Variants in CDH4 observed in about 807,000 individuals in gnomAD.
CDH4 encodes cadherin-4.
A neutral mutation model predicts 86.0 loss-of-function variants in CDH4; 33 were observed. The observed-to-expected ratio is 0.38, with a 90% CI of 0.29 to 0.51. The LOEUF is 0.51. CDH4 is among the 20% of genes least tolerant of loss of function. CDH4 has a pLI of 0.86. For missense variants in CDH4, 1,114 were observed against 1,307.4 expected (o/e 0.85, Z 2.28); for synonymous variants, 555 against 549.4 (o/e 1.01, Z -0.14).
chr20:61,777,653 C>T, intron 4 of CDH4, among the ~76,000 whole-genome samples: 1 of 150,158 alleles, frequency 6.7e-6, no homozygotes, highest in Non-Finnish European at 1.5e-5. Context: ...CACACGCACA[C>T]ACGTGCATAC....
At chr20:61,323,785 A>G (rs1292079394) in intron 2 of CDH4, among the ~76,000 whole-genome samples, 1 of 152,168 alleles carries the variant, frequency 6.6e-6, no homozygotes, top group Non-Finnish European at 1.5e-5. Flanking sequence ...CGTCACCTTT[A>G]GTACATGCAA....
At position 61,393,007 on chromosome 20, in the gene CDH4, G is replaced by A. The variant is rs774659686; in HGVS notation, c.169+138070G>A. Among the ~76,000 whole-genome samples the A allele has an allele frequency of 6.6e-6, 1 of 152,120 alleles. No homozygotes were observed. Among genetic ancestry groups the A allele is most frequent in the Non-Finnish European group, 1.5e-5 (1 of 68,026 alleles). On this transcript the variant is annotated intron_variant, in intron 2 of 15. Coordinates refer to ENST00000614565, the MANE Select transcript of CDH4 (RefSeq NM_001794.5). The surrounding 1 kb of genome is among the most constrained non-coding windows in gnomAD (Gnocchi z 4.3). Reference sequence around the variant, plus strand: ...ATGCCTTGTCGCTCAGGGCTTGACGGGATAGAAAACGTGAGGACAGAGCAG... The same window carrying A: ...ATGCCTTGTCGCTCAGGGCTTGACGAGATAGAAAACGTGAGGACAGAGCAG...
chr20:61,443,164 C>G (rs1301418309), intron 2 of CDH4, among the ~76,000 whole-genome samples: 1 of 152,232 alleles, frequency 6.6e-6, no homozygotes, highest in Middle Eastern at 3.2e-3. Flanking sequence ...AAGCACCTCG[C>G]TTTACCTGGA....
rs954997559 is a variant in CDH4, at chr20:61,654,858, C to T, written c.170-88705C>T. ...CGCTGCAGCCCGGGAAGGGGCTGTG[C>T]AGGGCCAGCTGCTCCTCTGAGACGG... On this transcript the variant is annotated intron_variant, in intron 2 of 15. Transcript: ENST00000614565. Among the ~76,000 whole-genome samples, 3 of 152,194 alleles carry T rather than the reference C, an allele frequency of 2.0e-5. 1 individual carries two copies. The highest frequency in any genetic ancestry group is 4.4e-5 in the Non-Finnish European group (3 of 68,022).
At chr20:61,512,322 G>A (rs1438893881) in intron 2 of CDH4, among the ~76,000 whole-genome samples, 1 of 152,194 alleles carries the variant, frequency 6.6e-6, no homozygotes, top group Admixed American at 6.5e-5. Context: ...GACCTCGAGA[G>A]TTCTTATAGC....
intron 1 of CDH4, among the ~76,000 whole-genome samples, chr20:61,253,412 T>C (rs1301687272): frequency 6.6e-6 from 1 of 151,934 alleles, no homozygotes; most frequent in African/African-American, 2.4e-5. Flanking sequence ...GGGGCGCCCC[T>C]GGGCGGAGGC....
intron 2 of CDH4, among the ~76,000 whole-genome samples, chr20:61,649,478 T>C (rs2087099075): frequency 6.6e-6 from 1 of 152,204 alleles, no homozygotes; most frequent in African/African-American, 2.4e-5. Context: ...TTCTGGAAGT[T>C]GTACATCCAG....
At chr20:61,875,921 C>G (rs1268745146) in intron 7 of CDH4, among the ~76,000 whole-genome samples, 1 of 136,702 alleles carries the variant, frequency 7.3e-6, no homozygotes, top group African/African-American at 2.8e-5. Flanking sequence ...AGGGCAGCCC[C>G]TGTTTGCGCT....
intron 2 of CDH4, among the ~76,000 whole-genome samples, chr20:61,546,155 T>TGTGTGTG (rs79582664): frequency 9.0e-5 from 11 of 121,628 alleles, no homozygotes; most frequent in African/African-American, 1.3e-4. Flanking sequence ...TTCACATTCG[T>TGTGTGTG]GAGGGTGTGT....
rs189127272 is a variant in CDH4 at position 61,642,789 on chromosome 20, G to A, written c.170-100774G>A. ...ACCACTTCCTTACCTTTCCATTTCT[G>A]GAGGCTGCCTGCATTCCTCAGCTCG... On this transcript the variant is annotated intron_variant, in intron 2 of 15. Coordinates refer to ENST00000614565, the MANE Select transcript of CDH4 (RefSeq NM_001794.5). Among the ~76,000 whole-genome samples, 817 of 152,206 alleles carry A rather than the reference G, an allele frequency of 5.4e-3. 8 individuals are homozygous for A. The highest frequency in any genetic ancestry group is 6.8e-3 in the Non-Finnish European group (461 of 68,010).
chr20:61,767,772 C>A (rs1047743349), intron 3 of CDH4, among the ~76,000 whole-genome samples: 29 of 152,170 alleles, frequency 1.9e-4, no homozygotes, highest in African/African-American at 7.0e-4. Flanking sequence ...GACACTGCAG[C>A]CCTGGGCAGG....
intron 2 of CDH4, among the ~76,000 whole-genome samples, chr20:61,418,633 G>A (rs544898410): frequency 5.3e-5 from 8 of 152,302 alleles, no homozygotes; most frequent in Admixed American, 2.0e-4. Flanking sequence ...ATCGCGTGTG[G>A]AGGAGTTAGT....
At chr20:61,680,839 C>A (rs1456600584) in intron 2 of CDH4, among the ~76,000 whole-genome samples, 1 of 152,190 alleles carries the variant, frequency 6.6e-6, no homozygotes, top group Admixed American at 6.5e-5. Flanking sequence ...CCTGTGTCTT[C>A]TTCTCATCCA....
At chr20:61,388,024 G>A (rs1385470506) in intron 2 of CDH4, among the ~76,000 whole-genome samples, 1 of 152,178 alleles carries the variant, frequency 6.6e-6, no homozygotes, top group African/African-American at 2.4e-5. Flanking sequence ...ATAATTTGGG[G>A]GCACTTAACA....
At chr20:61,868,563 C>T (rs1209719983) in intron 6 of CDH4, among the ~76,000 whole-genome samples, 3 of 152,234 alleles carry the variant, frequency 2.0e-5, no homozygotes, top group African/African-American at 7.2e-5. Flanking sequence ...TGTCATCAGC[C>T]TTAAGGCAAA....
At chr20:61,338,635 C>T (rs558622884) in intron 2 of CDH4, among the ~76,000 whole-genome samples, 2 of 152,296 alleles carry the variant, frequency 1.3e-5, no homozygotes, top group South Asian at 4.1e-4. Flanking sequence ...GACTAAGTTG[C>T]TCCCTGACTG....
intron 2 of CDH4, among the ~76,000 whole-genome samples, chr20:61,308,034 C>A (rs1351407642): frequency 1.3e-5 from 2 of 152,206 alleles, no homozygotes; most frequent in African/African-American, 4.8e-5. Context: ...GCTTCTGAAA[C>A]ACGGCTCTCC....
intron 2 of CDH4, among the ~76,000 whole-genome samples, chr20:61,571,636 C>T (rs1055868734): frequency 2.6e-5 from 4 of 152,206 alleles, no homozygotes; most frequent in Non-Finnish European, 5.9e-5. Context: ...TGGCAAGCCC[C>T]AGCTCCCACT....
chr20:61,695,697 C>T (rs1045559917), intron 2 of CDH4, among the ~76,000 whole-genome samples: 3 of 152,222 alleles, frequency 2.0e-5, no homozygotes, highest in African/African-American at 7.2e-5. Context: ...GAGGCAGTCA[C>T]AGTGTCTGAG....
Sources: gnomAD v4.1 joint callset for allele counts (sites outside exome capture counted in the v4.1 genomes callset) on GRCh38, gnomAD v4.1.1 for gene constraint, Gnocchi (gnomAD v3.1) non-coding constraint, MANE v1.5 for transcripts, NCBI Gene and HGNC (gene_info 2026-07-23, HGNC 2026-07-21) for gene names.